The following NREP variants were observed in gnomAD, a reference collection of about 807,000 sequenced individuals.
NREP encodes neuronal regeneration-related protein.
In NREP, 5 loss-of-function variants were observed where a neutral mutation model predicts 8.6. The ratio of observed to expected loss-of-function variants is 0.58; its 90% CI spans 0.30 to 1.22. NREP has a LOEUF of 1.22. Among genes scored for constraint, NREP ranks in the 50% most tolerant of loss-of-function variants. The pLI is 0.07. For synonymous variants in NREP, 27 were observed against 28.0 expected, an observed-to-expected ratio of 0.96 and a Z score of 0.11; for missense variants, 86 against 82.5, an observed-to-expected ratio of 1.04 and a Z score of -0.17.
At chr5:111,868,330 T>A (rs1419792367) in intron 2 of NREP, among the ~76,000 whole-genome samples, 4 of 152,162 alleles carry the variant, frequency 2.6e-5, no homozygotes, top group Non-Finnish European at 5.9e-5. Flanking sequence ...TAGGAAATCC[T>A]AAGTTAAACT....
intron 2 of NREP, among the ~76,000 whole-genome samples, chr5:111,788,404 G>A (rs1428107034): frequency 6.6e-6 from 1 of 152,176 alleles, no homozygotes. Context: ...ATATATATGT[G>A]GAAATTAGGG....
In NREP at chr5:111,880,845, G is replaced by T. The variant is rs542463592; in HGVS notation, c.135+94429C>A. Among the ~76,000 whole-genome samples, 148 of 147,928 alleles carry T rather than the reference G, an allele frequency of 1.0e-3. 3 individuals carry two copies. In the South Asian group the frequency reaches 0.031, roughly 31 times the overall value. On this transcript the variant is annotated intron_variant, in intron 2 of 3. Transcript: ENST00000395634. ...TCAACATCCCAGGCTCATAGAGGCA[G>T]CCAAGATGGCTGAATAGGAACAGCT...
At chr5:111,773,034 A>G (rs1751273144) in intron 2 of NREP, among the ~76,000 whole-genome samples, 1 of 152,186 alleles carries the variant, frequency 6.6e-6, no homozygotes, top group Non-Finnish European at 1.5e-5. Flanking sequence ...CTATAAACAT[A>G]CTTGTTCATA....
chr5:111,767,389 A>G (rs13172369), intron 2 of NREP, among the ~76,000 whole-genome samples: 54,253 of 151,956 alleles, frequency 0.36, 9,946 homozygotes, highest in Non-Finnish European at 0.4. Context: ...AAACAGCAGC[A>G]GAAATCTCTC....
intron 2 of NREP, among the ~76,000 whole-genome samples, chr5:111,795,220 G>A (rs971758841): frequency 6.6e-6 from 1 of 152,162 alleles, no homozygotes; most frequent in Non-Finnish European, 1.5e-5. Flanking sequence ...ATTATCAGAT[G>A]CAAACACAAG....
intron 3 of NREP, among the ~76,000 whole-genome samples, chr5:111,731,528 G>A (rs1748577319): frequency 6.6e-6 from 1 of 151,748 alleles, no homozygotes; most frequent in Non-Finnish European, 1.5e-5. Flanking sequence ...ATCTCAACTT[G>A]CATCAATCTT....
chr5:111,878,779 C>A (rs1753974328), intron 2 of NREP, among the ~76,000 whole-genome samples: 1 of 152,168 alleles, frequency 6.6e-6, no homozygotes, highest in Non-Finnish European at 1.5e-5. Context: ...CATCCATGGG[C>A]TTTGTAACCA....
At chr5:111,795,853 G>T (rs1049735908) in intron 2 of NREP, among the ~76,000 whole-genome samples, 1 of 152,182 alleles carries the variant, frequency 6.6e-6, no homozygotes, top group Non-Finnish European at 1.5e-5. Context: ...CTCAAGCATA[G>T]CTGAGCAACC....
chr5:111,760,603 G>A (rs1204370624), upstream of NREP, among the ~76,000 whole-genome samples: 1 of 152,192 alleles, frequency 6.6e-6, no homozygotes, highest in Non-Finnish European at 1.5e-5. Context: ...GCAGTTCAAA[G>A]AAAGTTTGCT....
At chr5:111,922,931 G>C (rs548673284) in intron 2 of NREP, among the ~76,000 whole-genome samples, 1 of 152,186 alleles carries the variant, frequency 6.6e-6, no homozygotes, top group African/African-American at 2.4e-5. Flanking sequence ...TGACTTGGCT[G>C]CCTGGTTGGC....
intron 2 of NREP, among the ~76,000 whole-genome samples, chr5:111,834,719 C>T (rs187273528): frequency 4.3e-4 from 66 of 152,254 alleles, no homozygotes; most frequent in Non-Finnish European, 1.5e-5. Flanking sequence ...GATTACCTCC[C>T]ACTGCTTTGC....
chr5:111,829,164 A>G (rs1338044865), intron 2 of NREP, among the ~76,000 whole-genome samples: 4 of 152,194 alleles, frequency 2.6e-5, no homozygotes, highest in African/African-American at 9.6e-5. Flanking sequence ...GGGAAGACAC[A>G]GAGATGAGGT....
At chr5:111,784,160 T>A (rs2112886349) in intron 2 of NREP, among the ~76,000 whole-genome samples, 1 of 152,308 alleles carries the variant, frequency 6.6e-6, no homozygotes, top group South Asian at 2.1e-4. Context: ...GCTTTTGATG[T>A]TATCCTCAGC....
intron 2 of NREP, among the ~76,000 whole-genome samples, chr5:111,916,921 C>T (rs1475753218): frequency 2.0e-5 from 3 of 152,040 alleles, no homozygotes; most frequent in Non-Finnish European, 4.4e-5. Flanking sequence ...AATTTCAGAG[C>T]AGGGATGGAA....
intron 3 of NREP, 127 bp downstream of exon 3, chr5:111,735,303 T>C (rs1748999656): frequency 5.2e-6 from 3 of 577,666 alleles, no homozygotes; most frequent in Admixed American, 2.8e-5. Flanking sequence ...AAGGTCATCA[T>C]AGTATCAGAT....
chr5:111,829,306 G>A (rs936351568), intron 2 of NREP, among the ~76,000 whole-genome samples: 1 of 152,160 alleles, frequency 6.6e-6, no homozygotes, highest in Non-Finnish European at 1.5e-5. Context: ...TTTGTATTTT[G>A]TAAATGGAAC....
chr5:111,762,344 A>AC (rs1750978518), upstream of NREP, among the ~76,000 whole-genome samples: 1 of 152,134 alleles, frequency 6.6e-6, no homozygotes, highest in Non-Finnish European at 1.5e-5. Flanking sequence ...AATGTATAAC[A>AC]CACATATTCA....
chr5:111,892,834 G>T (rs932124343), intron 2 of NREP, among the ~76,000 whole-genome samples: 1 of 152,104 alleles, frequency 6.6e-6, no homozygotes, highest in Non-Finnish European at 1.5e-5. Context: ...TAAACCCTAC[G>T]AAAATTTGGG....
At chr5:111,755,719 T>C (rs1290000738) in intron 2 of NREP, 51 bp downstream of exon 2, 1 of 1,598,454 alleles carries the variant, frequency 6.3e-7, no homozygotes. Flanking sequence ...TATTTATATG[T>C]AACAGACTGG....
Sources: gnomAD v4.1 joint callset for allele counts (sites outside exome capture counted in the v4.1 genomes callset) on GRCh38, gnomAD v4.1.1 for gene constraint, MANE v1.5 for transcripts, NCBI Gene and HGNC (gene_info 2026-07-23, HGNC 2026-07-21) for gene names.